The following MACROD2 variants were observed in gnomAD, a reference collection of about 807,000 sequenced individuals.
The protein encoded by MACROD2 is mono-ADP ribosylhydrolase 2, also known as ADP-ribose glycohydrolase MACROD2.
Under a neutral mutation model 70.4 loss-of-function variants are expected in MACROD2, and 36 were observed. The observed-to-expected ratio is 0.51, with a 90% CI of 0.39 to 0.68. The LOEUF (loss-of-function observed/expected upper bound fraction) is 0.68, where lower values mean the gene tolerates loss of function less well. MACROD2 is among the 30% of genes least tolerant of loss of function. MACROD2 has a pLI of 0.00. For missense variants in MACROD2, 496 were observed against 538.4 expected, an observed-to-expected ratio of 0.92 and a Z score of 0.78; for synonymous variants, 172 against 178.8, an observed-to-expected ratio of 0.96 and a Z score of 0.30.
chr20:15,808,793 G>A (rs187225962), intron 8 of MACROD2, among the ~76,000 whole-genome samples: 11 of 152,258 alleles, frequency 7.2e-5, no homozygotes, highest in African/African-American at 2.6e-4. Context: ...TAATCAATTA[G>A]GAGGCTCATA....
chr20:14,139,235 C>T (rs780126622), intron 3 of MACROD2, among the ~76,000 whole-genome samples: 15 of 152,168 alleles, frequency 9.9e-5, no homozygotes, highest in South Asian at 2.1e-4. Flanking sequence ...ATGATCCACC[C>T]GCCTCAGCCT....
intron 8 of MACROD2, among the ~76,000 whole-genome samples, chr20:15,528,475 A>G (rs1350858758): frequency 1.3e-5 from 2 of 152,248 alleles, no homozygotes; most frequent in East Asian, 3.9e-4. Flanking sequence ...TTGGCTTCCT[A>G]CAATGCACAG....
At chr20:15,942,525 T>C (rs561844340) in intron 12 of MACROD2, among the ~76,000 whole-genome samples, 3 of 152,310 alleles carry the variant, frequency 2.0e-5, no homozygotes, top group South Asian at 4.1e-4. Flanking sequence ...TGGTTAAAAA[T>C]ACTCTGTTGA....
chr20:15,819,446 A>AAT, intron 8 of MACROD2, among the ~76,000 whole-genome samples: 1 of 144,422 alleles, frequency 6.9e-6, no homozygotes, highest in Admixed American at 7.1e-5. Flanking sequence ...TAATTATATA[A>AAT]ATATATATAA....
At position 15,484,391 on chromosome 20, in the gene MACROD2, C is replaced by G. The variant is rs574288848; in HGVS notation, c.572-15383C>G. 1.6e-4 allele frequency among the ~76,000 whole-genome samples: 25 copies of G among 152,248 alleles called. No homozygotes were observed. The South Asian group carries it at 4.8e-3, about 29-fold the overall frequency. On this transcript the variant is annotated intron_variant, in intron 7 of 17. Transcript: ENST00000684519. ...CTCTTGGCAACCCTGTACCTCTGAA[C>G]TGTGAACATCTCAAGTGTTTCTTAG... is the stretch of plus-strand genomic sequence containing the variant.
intron 12 of MACROD2, among the ~76,000 whole-genome samples, chr20:15,942,707 A>G (rs2065767079): frequency 6.6e-6 from 1 of 152,304 alleles, no homozygotes; most frequent in Non-Finnish European, 1.5e-5. Flanking sequence ...ACTATTTAAG[A>G]TATAGTCAAC....
intron 8 of MACROD2, among the ~76,000 whole-genome samples, chr20:15,520,319 G>A (rs2047635423): frequency 6.6e-6 from 1 of 152,138 alleles, no homozygotes; most frequent in South Asian, 2.1e-4. Context: ...TCTAGATTGG[G>A]GCAAATACCC....
chr20:15,065,294 GA>G (rs1415531536), intron 5 of MACROD2, among the ~76,000 whole-genome samples: 5 of 151,982 alleles, frequency 3.3e-5, no homozygotes, highest in Non-Finnish European at 5.9e-5. Flanking sequence ...CATGGAAGAA[GA>G]AAAAAAGTAC....
intron 5 of MACROD2, among the ~76,000 whole-genome samples, chr20:15,154,240 T>G (rs2076291396): frequency 6.6e-6 from 1 of 152,182 alleles, no homozygotes; most frequent in African/African-American, 2.4e-5. Context: ...ATCTTATCCC[T>G]GCAACTCAGT....
At chr20:15,299,680 A>G (rs2077623801) in intron 6 of MACROD2, among the ~76,000 whole-genome samples, 1 of 152,246 alleles carries the variant, frequency 6.6e-6, no homozygotes, top group Admixed American at 6.5e-5. Context: ...ATCCAGTCAT[A>G]TGCCTACTGA....
chr20:14,306,774 C>A (rs922049136), intron 3 of MACROD2, among the ~76,000 whole-genome samples: 7 of 152,018 alleles, frequency 4.6e-5, no homozygotes, highest in Non-Finnish European at 1.0e-4. Flanking sequence ...TTTTCAGTGT[C>A]CCCAGATTGG....
chr20:15,084,456 GC>G (rs756806212), intron 5 of MACROD2, among the ~76,000 whole-genome samples: 3 of 152,112 alleles, frequency 2.0e-5, no homozygotes, highest in Non-Finnish European at 4.4e-5. Flanking sequence ...CTGACCCATG[GC>G]CACCAACATA....
At chr20:14,690,468 G>A (rs6105309) in intron 5 of MACROD2, among the ~76,000 whole-genome samples, 55 of 152,286 alleles carry the variant, frequency 3.6e-4, no homozygotes, top group Non-Finnish European at 5.1e-4. Context: ...ATAATAATTA[G>A]TACTTCTTTT....
intron 8 of MACROD2, among the ~76,000 whole-genome samples, chr20:15,577,154 C>T (rs564875528): frequency 6.6e-6 from 1 of 152,066 alleles, no homozygotes; most frequent in East Asian, 1.9e-4. Flanking sequence ...ACATTGAAAA[C>T]ACCCTACTCC....
At chr20:15,001,943 GCCCA>G (rs1490988807) in intron 5 of MACROD2, among the ~76,000 whole-genome samples, 2 of 147,374 alleles carry the variant, frequency 1.4e-5, no homozygotes, top group African/African-American at 5.2e-5. Flanking sequence ...GCGTGTGCAT[GCCCA>G]CACACACACA....
chr20:15,262,654 A>G (rs1012310817), intron 6 of MACROD2, among the ~76,000 whole-genome samples: 1 of 152,136 alleles, frequency 6.6e-6, no homozygotes, highest in Non-Finnish European at 1.5e-5. Context: ...ACTAATTTGC[A>G]TTCCCACCAA....
At chr20:15,991,194 T>G (rs1382187657) in intron 15 of MACROD2, among the ~76,000 whole-genome samples, 2 of 152,230 alleles carry the variant, frequency 1.3e-5, no homozygotes, top group African/African-American at 4.8e-5. Context: ...AGAACCAAGC[T>G]GGATTTCCAT....
chr20:14,681,276 A>T (rs1200530597), intron 4 of MACROD2, among the ~76,000 whole-genome samples: 4 of 152,220 alleles, frequency 2.6e-5, no homozygotes, highest in Non-Finnish European at 4.4e-5. Context: ...TGTCCAATGG[A>T]AATGAAAACG....
intron 5 of MACROD2, among the ~76,000 whole-genome samples, chr20:15,003,627 T>G (rs989062271): frequency 6.6e-6 from 1 of 152,198 alleles, no homozygotes; most frequent in African/African-American, 2.4e-5. Context: ...CCCTTAATTA[T>G]TCCTGGGCTT....
Sources: gnomAD v4.1 joint callset for allele counts (sites outside exome capture counted in the v4.1 genomes callset) on GRCh38, gnomAD v4.1.1 for gene constraint, MANE v1.5 for transcripts, NCBI Gene and HGNC (gene_info 2026-07-23, HGNC 2026-07-21) for gene names.